The following ANKRD13A variants were observed in gnomAD, a reference collection of about 807,000 sequenced individuals.
ANKRD13A encodes the protein ankyrin repeat domain-containing protein 13A.
ANKRD13A carries 48 observed loss-of-function variants against 81.3 expected under a neutral mutation model. The observed-to-expected ratio is 0.59, with a 90% CI of 0.47 to 0.75. The LOEUF (loss-of-function observed/expected upper bound fraction) is 0.75, where lower values mean the gene tolerates loss of function less well. Ranked by LOEUF, ANKRD13A falls within the 30% of genes least tolerant of loss-of-function variation. ANKRD13A has a pLI of 0.00. For missense variants in ANKRD13A, 612 were observed against 734.0 expected, an observed-to-expected ratio of 0.83 and a Z score of 1.92; for synonymous variants, 230 against 270.1, an observed-to-expected ratio of 0.85 and a Z score of 1.45.
chr12:110,005,775 G>C (rs1455825625), intron 1 of ANKRD13A, among the ~76,000 whole-genome samples: 17 of 152,080 alleles, frequency 1.1e-4, no homozygotes, highest in Admixed American at 1.1e-3. Flanking sequence ...CCACTTTTTG[G>C]CTATTATGAG....
intron 1 of ANKRD13A, among the ~76,000 whole-genome samples, chr12:110,001,173 T>G (rs906030546): frequency 6.6e-6 from 1 of 151,630 alleles, no homozygotes; most frequent in Non-Finnish European, 1.5e-5. Context: ...TGAAATCTAG[T>G]ATGGTTGTTC....
chr12:110,012,178 C>T, intron 2 of ANKRD13A, 41 bp downstream of exon 2: 1 of 1,562,338 alleles, frequency 6.4e-7, no homozygotes, highest in South Asian at 1.1e-5. Context: ...CGTCTGAGCA[C>T]CATGGTGAAA....
intron 1 of ANKRD13A, among the ~76,000 whole-genome samples, chr12:110,007,665 C>T (rs1488176130): frequency 6.6e-6 from 1 of 152,206 alleles, no homozygotes; most frequent in African/African-American, 2.4e-5. Flanking sequence ...CAGGTGTGAG[C>T]CACCACACCA....
intron 1 of ANKRD13A, among the ~76,000 whole-genome samples, chr12:110,008,819 A>G (rs1330299961): frequency 6.6e-6 from 1 of 152,130 alleles, no homozygotes; most frequent in Admixed American, 6.6e-5. Context: ...TGGGAGGTGG[A>G]GGTTGCAGTG....
In ANKRD13A at chr12:110,001,709, T is replaced by C. The variant is rs76696441; in HGVS notation, c.96+1925T>C. Reference sequence around the variant, plus strand: ...TGCTGGGATTACAGGCATGAGCCACTGTTGCCGGCCTTTTTTCATTTAAAA... The same window carrying C: ...TGCTGGGATTACAGGCATGAGCCACCGTTGCCGGCCTTTTTTCATTTAAAA... On this transcript the variant is annotated intron_variant, in intron 1 of 14. Coordinates refer to ENST00000261739, the MANE Select transcript of ANKRD13A (RefSeq NM_033121.2). Among the ~76,000 whole-genome samples the C allele has an allele frequency of 6.5e-4, 99 of 152,154 alleles. 1 individual carries two copies. The East Asian group carries it at 0.018, about 28-fold the overall frequency.
chr12:110,024,124 C>T lies in ANKRD13A; in HGVS notation c.801+12C>T. 1 of 1,587,320 alleles carries T rather than the reference C, an allele frequency of 6.3e-7. No homozygotes were observed. The highest frequency in any genetic ancestry group is 1.2e-5 in the South Asian group (1 of 86,378). On this transcript the variant is annotated intron_variant, in intron 7 of 14. Coordinates refer to ENST00000261739, the MANE Select transcript of ANKRD13A (RefSeq NM_033121.2). ...GTTACGAAGCAAAGGTAAAAGGAAA[C>T]TCTTAAAATAAGATTTAATATAGCT...
At chr12:110,006,091 A>T (rs1890229373) in intron 1 of ANKRD13A, among the ~76,000 whole-genome samples, 1 of 152,210 alleles carries the variant, frequency 6.6e-6, no homozygotes, top group South Asian at 2.1e-4. Flanking sequence ...TTCTGGGATT[A>T]CAGGCATGAG....
intron 3 of ANKRD13A, 86 bp from the exon 4 acceptor site, chr12:110,016,302 G>T: frequency 2.0e-6 from 2 of 1,019,874 alleles, no homozygotes; most frequent in Admixed American, 2.7e-5. Flanking sequence ...TTTAACCCAG[G>T]GTTTTTAAGA....
chr12:110,035,984 G>A (rs1892021078), intron 13 of ANKRD13A, among the ~76,000 whole-genome samples: 1 of 152,144 alleles, frequency 6.6e-6, no homozygotes, highest in Non-Finnish European at 1.5e-5. Flanking sequence ...GCTTTTCGTT[G>A]TGTATATCTT....
Position 110,038,772 on chromosome 12 carries a change from T to TG in ANKRD13A, c.*1218_*1219insG, listed in dbSNP as rs1892204697. On this transcript the variant is annotated 3_prime_UTR_variant, in exon 15 of 15. Coordinates refer to ENST00000261739, the MANE Select transcript of ANKRD13A (RefSeq NM_033121.2). ...GATACCTTTAGTAGTTAACTCTCTT[T>TG]TGTCAAACCCTCTTGTATATAACCA... 6.6e-6 allele frequency: 1 copy of TG among 152,386 alleles called. No individual in the cohort carries two copies. 9.4% of individuals were successfully genotyped at this position (152,386 alleles called of 1,614,324 possible).
chr12:110,019,435 T>C lies in ANKRD13A; in HGVS notation c.734+107T>C, dbSNP rs1890964663. On this transcript the variant is annotated intron_variant, in intron 6 of 14. Coordinates refer to ENST00000261739, the MANE Select transcript of ANKRD13A (RefSeq NM_033121.2). The stretch of plus-strand genomic sequence containing the variant: ...TGGATGGATTGGGCTTTTTCTAATA[T>C]GACATAATAAACACTAGTGGGTTTT... The C allele has an allele frequency of 3.6e-6, 4 of 1,113,604 alleles. No homozygotes were observed. In the East Asian group the frequency reaches 8.0e-5, roughly 22 times the overall value. The allele number at this position is 1,113,604 out of a possible 1,614,324, so 69.0% of individuals were successfully genotyped here. A position where few individuals can be genotyped will look rare whatever the true frequency, so the allele number is the denominator to read the frequency against.
At chr12:110,009,917 T>C (rs1890428460) in intron 1 of ANKRD13A, among the ~76,000 whole-genome samples, 1 of 152,254 alleles carries the variant, frequency 6.6e-6, no homozygotes, top group African/African-American at 2.4e-5. Flanking sequence ...CAGGCTGGAA[T>C]GCAATGGCAC....
At chr12:110,006,732 G>A (rs1176158168) in intron 1 of ANKRD13A, among the ~76,000 whole-genome samples, 1 of 152,096 alleles carries the variant, frequency 6.6e-6, no homozygotes, top group Non-Finnish European at 1.5e-5. Context: ...GAGTAGCTGG[G>A]ATTACAGGCA....
intron 8 of ANKRD13A, 105 bp from the exon 9 acceptor site, chr12:110,027,600 A>G (rs1414441074): frequency 9.6e-7 from 1 of 1,040,294 alleles, no homozygotes; most frequent in African/African-American, 1.6e-5. Context: ...CTGTAATTGC[A>G]TTTCCTAATG....
At chr12:110,009,914 GA>G (rs1251041666) in intron 1 of ANKRD13A, among the ~76,000 whole-genome samples, 1 of 152,180 alleles carries the variant, frequency 6.6e-6, no homozygotes, top group Non-Finnish European at 1.5e-5. Context: ...ACCCAGGCTG[GA>G]ATGCAATGGC....
At position 110,039,455 on chromosome 12, in the gene ANKRD13A, C is replaced by T. The variant is rs1375326895; in HGVS notation, c.*1901C>T. 1 of 152,160 alleles carries T rather than the reference C, an allele frequency of 6.6e-6. No homozygotes were observed. Among genetic ancestry groups the T allele is most frequent in the Non-Finnish European group, 1.5e-5 (1 of 68,040 alleles). 9.4% of individuals were successfully genotyped at this position (152,160 alleles called of 1,614,324 possible). ...AAATTCCAGTCTTTGAGTCTTTTTCCTTTTCAGTTTTTTCTAGTCACTGGA... is the reference window on the plus strand; with the variant it reads ...AAATTCCAGTCTTTGAGTCTTTTTCTTTTTCAGTTTTTTCTAGTCACTGGA... On this transcript the variant is annotated 3_prime_UTR_variant, in exon 15 of 15. Transcript: ENST00000261739.
At chr12:110,011,260 G>A (rs1432715618) in intron 1 of ANKRD13A, among the ~76,000 whole-genome samples, 1 of 152,238 alleles carries the variant, frequency 6.6e-6, no homozygotes, top group Non-Finnish European at 1.5e-5. Flanking sequence ...GACACGCGGT[G>A]CAGGTGCCAA....
At chr12:110,016,367 A>C (rs1311503457) in intron 3 of ANKRD13A, 21 bp from the exon 4 acceptor site, 2 of 1,578,422 alleles carry the variant, frequency 1.3e-6, no homozygotes, top group Non-Finnish European at 1.7e-6. Context: ...AATCTGTTTT[A>C]AACCTTTGTC....
At position 110,027,699 on chromosome 12, in the gene ANKRD13A, C is replaced by G. The variant is rs1454764607; in HGVS notation, c.884-6C>G. 6.2e-7 allele frequency: 1 copy of G among 1,613,988 alleles called. No homozygotes were observed. The highest frequency in any genetic ancestry group is 1.3e-5 in the African/African-American group (1 of 74,924). On this transcript the variant is annotated splice_polypyrimidine_tract_variant and splice_region_variant and intron_variant, in intron 8 of 14. Coordinates refer to ENST00000261739, the MANE Select transcript of ANKRD13A (RefSeq NM_033121.2). ...ATTAGACTTTAAACTCCCTACCCCT[C>G]TGTAGCAGACAGGAACCCGCTGGAA...
Sources: allele counts gnomAD v4.1 joint callset (sites outside exome capture counted in the v4.1 genomes callset), GRCh38; gene constraint gnomAD v4.1.1; transcripts MANE v1.5; gene names NCBI Gene and HGNC (gene_info 2026-07-23, HGNC 2026-07-21).